EPB41L4A: variants seen among roughly 807,000 people sequenced by gnomAD.
EPB41L4A encodes band 4.1-like protein 4A.
EPB41L4A carries 100 observed loss-of-function variants against 108.6 expected under a neutral mutation model. That is an observed-to-expected ratio of 0.92 (90% CI 0.78 to 1.09). The LOEUF is 1.09. Ranked by LOEUF, EPB41L4A falls within the 50% of genes least tolerant of loss-of-function variation. The pLI is 0.00. For missense variants in EPB41L4A, 1,030 were observed against 842.7 expected (o/e 1.22, Z -2.75); for synonymous variants, 319 against 289.0 (o/e 1.10, Z -1.05).
chr5:112,400,186 G>C (rs1350084924), intron 1 of EPB41L4A, among the ~76,000 whole-genome samples: 3 of 152,146 alleles, frequency 2.0e-5, no homozygotes, highest in African/African-American at 7.2e-5. Flanking sequence ...AGGAAAGAGA[G>C]AGGGGGGTGA....
chr5:112,308,242 C>A (rs1754821049), intron 1 of EPB41L4A, among the ~76,000 whole-genome samples: 1 of 152,098 alleles, frequency 6.6e-6, no homozygotes, highest in African/African-American at 2.4e-5. Context: ...TTTCTCTCGC[C>A]CCATCTCTGG....
intron 12 of EPB41L4A, 28 bp downstream of exon 12, chr5:112,234,606 T>C (rs372614699): frequency 1.2e-5 from 19 of 1,608,668 alleles, no homozygotes; most frequent in South Asian, 1.0e-4. Flanking sequence ...CAAGGTTACA[T>C]AGATAACTCA....
intron 1 of EPB41L4A, among the ~76,000 whole-genome samples, chr5:112,368,299 A>G (rs1416631293): frequency 6.6e-6 from 1 of 151,990 alleles, no homozygotes; most frequent in Non-Finnish European, 1.5e-5. Context: ...AGCACGAATT[A>G]TCTTGTCTGA....
chr5:112,265,899 C>A (rs933605605), intron 5 of EPB41L4A, among the ~76,000 whole-genome samples: 8 of 152,152 alleles, frequency 5.3e-5, no homozygotes, highest in Admixed American at 5.2e-4. Flanking sequence ...GGATCTCTGA[C>A]ACATAGAAGC....
rs867466711 is a variant in EPB41L4A, at chr5:112,339,494, A to C, written c.100-32004T>G. ...TATATCTATATATATATATATATAT[A>C]TCTATATATATATATAGATATATAG... On this transcript the variant is annotated intron_variant, in intron 1 of 22. Transcript: ENST00000261486. Among the ~76,000 whole-genome samples the C allele has an allele frequency of 3.5e-4, 14 of 39,858 alleles. 1 individual carries two copies. Among genetic ancestry groups the C allele is most frequent in the African/African-American group, 1.3e-3 (13 of 10,182 alleles). 26.1% of individuals were successfully genotyped at this position (39,858 alleles called of 152,430 possible).
downstream of EPB41L4A, among the ~76,000 whole-genome samples, chr5:112,160,142 T>C (rs1759802881): frequency 6.6e-6 from 1 of 152,100 alleles, no homozygotes; most frequent in Non-Finnish European, 1.5e-5. Flanking sequence ...AACTCCTGAC[T>C]TCAGGTGATC....
At chr5:112,208,161 G>A (rs540734569) in intron 13 of EPB41L4A, among the ~76,000 whole-genome samples, 1 of 143,866 alleles carries the variant, frequency 7.0e-6, no homozygotes, top group South Asian at 2.3e-4. Context: ...CAGGAGAATC[G>A]CTTGAACCCA....
intron 8 of EPB41L4A, among the ~76,000 whole-genome samples, chr5:112,259,595 G>A (rs977299060): frequency 2.6e-5 from 4 of 152,096 alleles, no homozygotes; most frequent in Non-Finnish European, 5.9e-5. Flanking sequence ...TCCCCATTTG[G>A]AGCTAAAAGT....
At chr5:112,316,456 A>G (rs1360825788) in intron 1 of EPB41L4A, among the ~76,000 whole-genome samples, 1 of 152,120 alleles carries the variant, frequency 6.6e-6, no homozygotes, top group Non-Finnish European at 1.5e-5. Flanking sequence ...CACGGAGGAG[A>G]CATTCTTCAG....
At chr5:112,378,638 G>A (rs1252065621) in intron 1 of EPB41L4A, among the ~76,000 whole-genome samples, 1 of 152,194 alleles carries the variant, frequency 6.6e-6, no homozygotes, top group Admixed American at 6.5e-5. Flanking sequence ...CTGTGGAGAA[G>A]ACAGGGAAAC....
chr5:112,197,819 G>C (rs1762034244), intron 15 of EPB41L4A, among the ~76,000 whole-genome samples: 1 of 152,058 alleles, frequency 6.6e-6, no homozygotes, highest in Non-Finnish European at 1.5e-5. Flanking sequence ...TACTTGTCTG[G>C]GTTTTGGTAA....
At chr5:112,202,769 G>A (rs1762280047) in intron 15 of EPB41L4A, among the ~76,000 whole-genome samples, 1 of 151,972 alleles carries the variant, frequency 6.6e-6, no homozygotes, top group Non-Finnish European at 1.5e-5. Flanking sequence ...GAAGCAAAAG[G>A]GATCAAGCAG....
chr5:112,176,667 C>A (rs1023158006), intron 18 of EPB41L4A, among the ~76,000 whole-genome samples: 1 of 151,848 alleles, frequency 6.6e-6, no homozygotes, highest in Non-Finnish European at 1.5e-5. Context: ...TCACGTGGAC[C>A]ACTGCAAAGT....
chr5:112,298,838 T>G (rs898028672), intron 2 of EPB41L4A, among the ~76,000 whole-genome samples: 1 of 152,196 alleles, frequency 6.6e-6, no homozygotes, highest in Non-Finnish European at 1.5e-5. Flanking sequence ...GTTAATGGTC[T>G]GTTCAGGGTT....
chr5:112,414,542 T>C (rs995114079), intron 1 of EPB41L4A, among the ~76,000 whole-genome samples: 2 of 151,712 alleles, frequency 1.3e-5, no homozygotes, highest in Admixed American at 6.6e-5. Flanking sequence ...CCACAGGGAG[T>C]TCAAGATAGT....
intron 1 of EPB41L4A, among the ~76,000 whole-genome samples, chr5:112,374,325 A>G (rs1759675472): frequency 6.6e-6 from 1 of 152,246 alleles, no homozygotes; most frequent in South Asian, 2.1e-4. Flanking sequence ...ACAGAAGTTT[A>G]GAATTCAGAG....
chr5:112,247,702 G>A (rs1371112935), intron 9 of EPB41L4A, among the ~76,000 whole-genome samples: 1 of 152,088 alleles, frequency 6.6e-6, no homozygotes, highest in Non-Finnish European at 1.5e-5. Flanking sequence ...GATGGAATTG[G>A]GGGTTTGAGT....
intron 17 of EPB41L4A, among the ~76,000 whole-genome samples, chr5:112,185,999 C>T (rs774522886): frequency 1.3e-5 from 2 of 152,074 alleles, no homozygotes; most frequent in Non-Finnish European, 1.5e-5. Context: ...GAGACAATCA[C>T]GGGGAAGGTG....
intron 20 of EPB41L4A, 39 bp downstream of exon 20, chr5:112,170,262 T>C (rs1760497038): frequency 2.5e-6 from 4 of 1,587,142 alleles, no homozygotes; most frequent in Admixed American, 1.7e-5. Flanking sequence ...TCACAAGCAC[T>C]AATAAAGCTT....
Sources: allele counts gnomAD v4.1 joint callset (sites outside exome capture counted in the v4.1 genomes callset), GRCh38; gene constraint gnomAD v4.1.1; transcripts MANE v1.5; gene names NCBI Gene and HGNC (gene_info 2026-07-23, HGNC 2026-07-21).